Variants in TOX observed in about 807,000 individuals in gnomAD.
TOX encodes the protein thymocyte selection-associated high mobility group box protein TOX.
TOX carries 11 observed loss-of-function variants against 53.7 expected under a neutral mutation model. That is an observed-to-expected ratio of 0.20 (90% CI 0.13 to 0.34). The LOEUF (loss-of-function observed/expected upper bound fraction) is 0.34, where lower values mean the gene tolerates loss of function less well. TOX is among the 10% of genes least tolerant of loss of function. The pLI, the probability that TOX is intolerant of heterozygous loss-of-function variation, is 1.00. For synonymous variants in TOX, 225 were observed against 245.3 expected (o/e 0.92, Z 0.77); for missense variants, 570 against 664.6 (o/e 0.86, Z 1.56).
intron 3 of TOX, among the ~76,000 whole-genome samples, chr8:58,908,796 G>T (rs1481550993): frequency 6.6e-6 from 1 of 152,156 alleles, no homozygotes; most frequent in Non-Finnish European, 1.5e-5. Flanking sequence ...ATCTATTTCT[G>T]ACAAAGAGTT....
intron 1 of TOX, among the ~76,000 whole-genome samples, chr8:59,037,266 CT>C (rs1368590460): frequency 2.0e-5 from 3 of 149,834 alleles, no homozygotes; most frequent in Admixed American, 6.7e-5. Flanking sequence ...GGTATATTTC[CT>C]TTTGGATGTT....
chr8:59,053,378 C>T (rs1192938908), intron 1 of TOX, among the ~76,000 whole-genome samples: 2 of 152,140 alleles, frequency 1.3e-5, no homozygotes, highest in Non-Finnish European at 2.9e-5. Context: ...CCGTGTTCTA[C>T]GGCAACCTTG....
intron 1 of TOX, among the ~76,000 whole-genome samples, chr8:58,971,249 A>G (rs928045775): frequency 6.6e-6 from 1 of 152,232 alleles, no homozygotes; most frequent in African/African-American, 2.4e-5. Context: ...CTAGAATGGC[A>G]GACACTGCCG....
At chr8:58,840,017 A>C (rs1231823944) in intron 4 of TOX, among the ~76,000 whole-genome samples, 1 of 152,224 alleles carries the variant, frequency 6.6e-6, no homozygotes. Flanking sequence ...ATATATGTGT[A>C]GAAGTTTAAA....
chr8:58,835,366 C>A (rs1002823502), intron 5 of TOX, among the ~76,000 whole-genome samples: 1 of 152,090 alleles, frequency 6.6e-6, no homozygotes, highest in Non-Finnish European at 1.5e-5. Flanking sequence ...ATTAGGGAGA[C>A]CAGCCTCGAT....
chr8:58,914,535 G>A (rs185806473), intron 3 of TOX, among the ~76,000 whole-genome samples: 9 of 152,280 alleles, frequency 5.9e-5, no homozygotes, highest in African/African-American at 1.7e-4. Context: ...TTTTATGACT[G>A]TCACAGCTAG....
intron 3 of TOX, 51 bp downstream of exon 3, chr8:58,939,251 T>C (rs1322772373): frequency 1.2e-6 from 2 of 1,603,386 alleles, no homozygotes; most frequent in South Asian, 1.1e-5. Flanking sequence ...TTGGTCCTTG[T>C]CCTTATGGTA....
At chr8:58,817,232 T>G (rs1810196235) in intron 6 of TOX, among the ~76,000 whole-genome samples, 12 of 152,182 alleles carry the variant, frequency 7.9e-5, no homozygotes. Flanking sequence ...TGTGTCACAC[T>G]GTTGATGCAG....
At chr8:58,964,472 C>T (rs1363022214) in intron 1 of TOX, among the ~76,000 whole-genome samples, 2 of 152,142 alleles carry the variant, frequency 1.3e-5, no homozygotes, top group Admixed American at 1.3e-4. Flanking sequence ...CTCCGTCCAA[C>T]CACACCCTGA....
At chr8:58,837,473 T>A (rs895364116) in intron 5 of TOX, among the ~76,000 whole-genome samples, 1 of 152,142 alleles carries the variant, frequency 6.6e-6, no homozygotes, top group African/African-American at 2.4e-5. Context: ...TTATGCTGTG[T>A]CCGTGGTATC....
At chr8:59,115,216 GTCACCA>G (rs768251076) in intron 1 of TOX, among the ~76,000 whole-genome samples, 6 of 151,698 alleles carry the variant, frequency 4.0e-5, no homozygotes, top group Non-Finnish European at 8.8e-5. Flanking sequence ...GCAGGCCGAG[GTCACCA>G]TCCCTGTCAT....
chr8:58,981,076 T>C (rs1813196950), intron 1 of TOX, among the ~76,000 whole-genome samples: 1 of 152,238 alleles, frequency 6.6e-6, no homozygotes, highest in Admixed American at 6.5e-5. Context: ...CATTTTCTTG[T>C]TGTTGCTTCA....
intron 6 of TOX, among the ~76,000 whole-genome samples, chr8:58,825,782 A>T (rs528966087): frequency 6.6e-6 from 1 of 152,224 alleles, no homozygotes; most frequent in Non-Finnish European, 1.5e-5. Context: ...TACACATTCT[A>T]TGTAATACAT....
chr8:58,863,619 T>C (rs1318875330), intron 3 of TOX, among the ~76,000 whole-genome samples: 2 of 152,222 alleles, frequency 1.3e-5, no homozygotes, highest in East Asian at 3.8e-4. Flanking sequence ...GATGATGTTT[T>C]TAGCTGTTCT....
chr8:58,818,178 G>C (rs767630367), intron 6 of TOX, among the ~76,000 whole-genome samples: 3 of 152,064 alleles, frequency 2.0e-5, no homozygotes, highest in Non-Finnish European at 2.9e-5. Context: ...CCACTTATTT[G>C]TCATTTATGT....
chr8:58,830,665 C>G (rs1810438691), intron 5 of TOX, among the ~76,000 whole-genome samples: 1 of 152,050 alleles, frequency 6.6e-6, no homozygotes, highest in African/African-American at 2.4e-5. Flanking sequence ...TTCTTCCTTC[C>G]TTCTTTTCTG....
At chr8:58,824,415 G>A (rs1388771262) in intron 6 of TOX, among the ~76,000 whole-genome samples, 1 of 152,090 alleles carries the variant, frequency 6.6e-6, no homozygotes, top group Non-Finnish European at 1.5e-5. Flanking sequence ...TTCAGGATTG[G>A]GCTCCTGCCC....
chr8:59,016,586 A>G (rs1309246804), intron 1 of TOX, among the ~76,000 whole-genome samples: 3 of 152,240 alleles, frequency 2.0e-5, no homozygotes. Context: ...ACCATGTAAA[A>G]CTGCTATTTA....
rs564782036 is a variant in TOX, at chr8:58,927,561, G to T, written c.411+11741C>A. ...CTCCTGGTGTGATCGTGGGGATGAA[G>T]AAGAAAACTGTGTGTAAAACACCTA... On this transcript the variant is annotated intron_variant, in intron 3 of 8. Transcript: ENST00000361421. Among the ~76,000 whole-genome samples the T allele has an allele frequency of 2.0e-5, 3 of 152,256 alleles. No individual in the cohort carries two copies. In the East Asian group the frequency reaches 5.8e-4, roughly 29 times the overall value.
Sources: gnomAD v4.1 joint callset for allele counts (sites outside exome capture counted in the v4.1 genomes callset) on GRCh38, gnomAD v4.1.1 for gene constraint, MANE v1.5 for transcripts, NCBI Gene and HGNC (gene_info 2026-07-23, HGNC 2026-07-21) for gene names.